SH3BP2: variants seen among roughly 807,000 people sequenced by gnomAD.
SH3BP2 encodes the protein SH3 domain binding protein 2.
SH3BP2 carries 38 observed loss-of-function variants against 56.2 expected under a neutral mutation model. The observed-to-expected ratio is 0.68, with a 90% CI of 0.52 to 0.89. The LOEUF is 0.89. SH3BP2 is among the 40% of genes least tolerant of loss of function. SH3BP2 has a pLI of 0.00. For missense variants in SH3BP2, 748 were observed against 762.6 expected (o/e 0.98, Z 0.23); for synonymous variants, 346 against 316.7 (o/e 1.09, Z -0.98).
intron 1 of SH3BP2, among the ~76,000 whole-genome samples, chr4:2,803,635 C>T (rs530563523): frequency 1.3e-5 from 2 of 152,306 alleles, no homozygotes; most frequent in Middle Eastern, 6.8e-3. Context: ...TGCTGTCTGC[C>T]TCACCTGGGC....
intron 1 of SH3BP2, chr4:2,818,454 C>G: frequency 1.1e-6 from 1 of 934,350 alleles, no homozygotes; most frequent in South Asian, 5.2e-5. Flanking sequence ...GCTCTGGACC[C>G]CGCACCCCGA....
At chr4:2,812,061 C>T in intron 1 of SH3BP2, 1 of 792,924 alleles carries the variant, frequency 1.3e-6, no homozygotes, top group South Asian at 2.0e-5. Flanking sequence ...TGCAGCTGAC[C>T]TTGCGCTGGA....
At chr4:2,812,187 C>T (rs1723775762) in intron 1 of SH3BP2, 3 of 1,439,936 alleles carry the variant, frequency 2.1e-6, no homozygotes, top group Non-Finnish European at 2.7e-6. Flanking sequence ...GCTTTCAGGA[C>T]CTCACAGGGT....
At chr4:2,814,631 C>T (rs757376302) in intron 1 of SH3BP2, among the ~76,000 whole-genome samples, 6 of 152,222 alleles carry the variant, frequency 3.9e-5, no homozygotes, top group Non-Finnish European at 8.8e-5. Context: ...CAGCTTTGGC[C>T]GCCCAACGCT....
chr4:2,824,250 G>A (rs1020657265), intron 3 of SH3BP2, among the ~76,000 whole-genome samples: 2 of 152,194 alleles, frequency 1.3e-5, no homozygotes, highest in South Asian at 2.1e-4. Flanking sequence ...TCAGGGGCAC[G>A]GAGCCCTGTG....
At chr4:2,825,622 T>G (rs112001684) in intron 5 of SH3BP2, among the ~76,000 whole-genome samples, 1 of 151,828 alleles carries the variant, frequency 6.6e-6, no homozygotes. Flanking sequence ...TGCACAGGTG[T>G]GCATGCATCT....
intron 4 of SH3BP2, 172 bp downstream of exon 4, chr4:2,824,902 A>G: frequency 1.5e-6 from 1 of 672,718 alleles, no homozygotes. Context: ...CCCCAGCTCC[A>G]TCCCCATGCC....
chr4:2,827,695 C>T (rs745571893), intron 7 of SH3BP2, 21 bp downstream of exon 7: 52 of 714,930 alleles, frequency 7.3e-5, no homozygotes, highest in Non-Finnish European at 9.1e-5. Flanking sequence ...CGGGTGGGCC[C>T]GGGGAGCTCT....
intron 10 of SH3BP2, 107 bp from the exon 11 acceptor site, chr4:2,832,224 C>G: frequency 8.9e-7 from 1 of 1,123,594 alleles, no homozygotes; most frequent in Non-Finnish European, 1.4e-6. Flanking sequence ...CTCCTGAGAC[C>G]TACAACAGCG....
At chr4:2,793,467 G>C (rs1214552634) in intron 1 of SH3BP2, among the ~76,000 whole-genome samples, 1 of 151,072 alleles carries the variant, frequency 6.6e-6, no homozygotes, top group Non-Finnish European at 1.5e-5. Context: ...AAGGACGCAC[G>C]GGGCCTGGGC....
chr4:2,812,512 G>A, intron 1 of SH3BP2: 2 of 1,543,408 alleles, frequency 1.3e-6, no homozygotes, highest in Non-Finnish European at 1.8e-6. Context: ...GGGCTCGGGA[G>A]GCGGCACTGG....
chr4:2,806,774 C>T (rs888887888), intron 1 of SH3BP2, among the ~76,000 whole-genome samples: 1 of 152,252 alleles, frequency 6.6e-6, no homozygotes, highest in African/African-American at 2.4e-5. Context: ...ACTCCCATGC[C>T]CATCTCAAGA....
Position 2,835,408 on chromosome 4 carries a change from A to T in SH3BP2, c.*1574A>T, listed in dbSNP as rs1725196461. 6.6e-6 allele frequency: 1 copy of T among 152,246 alleles called. No homozygotes were observed. Among genetic ancestry groups the T allele is most frequent in the African/African-American group, 2.4e-5 (1 of 41,430 alleles). 9.4% of individuals were successfully genotyped at this position (152,246 alleles called of 1,614,324 possible). A position where few individuals can be genotyped will look rare whatever the true frequency, so the allele number is the denominator to read the frequency against. On this transcript the variant is annotated 3_prime_UTR_variant, in exon 13 of 13. Coordinates refer to ENST00000503393, the MANE Select transcript of SH3BP2 (RefSeq NM_001122681.2). ...ACCAGGTGTCCAAGGCCACCTCTGC[A>T]GGGGTTTCCTCTTCAGCCTGCCTGG...
chr4:2,797,739 A>C (rs1477918835), intron 1 of SH3BP2, among the ~76,000 whole-genome samples: 3 of 152,102 alleles, frequency 2.0e-5, no homozygotes, highest in Non-Finnish European at 4.4e-5. Flanking sequence ...CAGGAAGGTC[A>C]GGGTCGCGTC....
At chr4:2,808,275 A>G (rs1172659864) in intron 1 of SH3BP2, among the ~76,000 whole-genome samples, 2 of 151,950 alleles carry the variant, frequency 1.3e-5, no homozygotes, top group African/African-American at 2.4e-5. Flanking sequence ...CCTCTTTTCC[A>G]TCCTTACATG....
intron 1 of SH3BP2, among the ~76,000 whole-genome samples, chr4:2,795,091 G>T (rs1042574753): frequency 2.6e-5 from 4 of 152,184 alleles, no homozygotes; most frequent in Non-Finnish European, 4.4e-5. Flanking sequence ...GTGGCTATGA[G>T]TGTCCGTAGG....
chr4:2,815,372 C>G (rs1372678654), intron 1 of SH3BP2, among the ~76,000 whole-genome samples: 1 of 152,176 alleles, frequency 6.6e-6, no homozygotes, highest in Non-Finnish European at 1.5e-5. Context: ...GTGAGGGTGC[C>G]ACATGACCTG....
chr4:2,832,797 T>G (rs560399440), intron 11 of SH3BP2, among the ~76,000 whole-genome samples, 193 bp from the exon 12 acceptor site: 1 of 152,132 alleles, frequency 6.6e-6, no homozygotes, highest in Non-Finnish European at 1.5e-5. Context: ...CTGTTGCTCA[T>G]CAGAGGCTCT....
chr4:2,795,686 C>T (rs1166658756), intron 1 of SH3BP2, among the ~76,000 whole-genome samples: 5 of 151,346 alleles, frequency 3.3e-5, no homozygotes, highest in African/African-American at 4.9e-5. Flanking sequence ...CTGAGCCGGG[C>T]GGGCAGCCAT....
Sources: gnomAD v4.1 joint callset for allele counts (sites outside exome capture counted in the v4.1 genomes callset) on GRCh38, gnomAD v4.1.1 for gene constraint, MANE v1.5 for transcripts, NCBI Gene and HGNC (gene_info 2026-07-23, HGNC 2026-07-21) for gene names.